The following HMGB1 variants were observed in gnomAD, a reference collection of about 807,000 sequenced individuals.
The protein encoded by HMGB1 is high mobility group box 1.
For missense variants in HMGB1, 79 were observed against 253.5 expected (o/e 0.31, Z 4.67); for synonymous variants, 81 against 84.0 (o/e 0.96, Z 0.19).
chr13:30,469,368 G>A (rs952422355), upstream of HMGB1, among the ~76,000 whole-genome samples: 1 of 152,112 alleles, frequency 6.6e-6, no homozygotes, highest in Non-Finnish European at 1.5e-5. Context: ...CTGTAATATT[G>A]TGTATATTAA....
In HMGB1 at chr13:30,577,799, C is replaced by T. The variant is rs936808382; in HGVS notation, c.-15+38872G>A. On this transcript the variant is annotated intron_variant, in intron 1 of 4. Coordinates refer to the HMGB1 transcript ENST00000405805. ...AGCTTGGCACATTATAAGCATTCAACGAAAAGTGAGCTACTATTATCTCAT... is the reference window on the plus strand; with the variant it reads ...AGCTTGGCACATTATAAGCATTCAATGAAAAGTGAGCTACTATTATCTCAT... 5.3e-5 allele frequency among the ~76,000 whole-genome samples: 8 copies of T among 152,324 alleles called. 1 individual carries two copies. The highest frequency in any genetic ancestry group is 6.8e-3 in the Middle Eastern group (2 of 294).
intron 1 of HMGB1, among the ~76,000 whole-genome samples, chr13:30,523,553 A>G (rs1413923210): frequency 6.6e-6 from 1 of 151,964 alleles, no homozygotes; most frequent in Non-Finnish European, 1.5e-5. Context: ...TGTCCAAAAG[A>G]TGTTACCACT....
chr13:30,487,029 T>C (rs552839790), intron 1 of HMGB1, among the ~76,000 whole-genome samples: 58 of 152,184 alleles, frequency 3.8e-4, no homozygotes, highest in African/African-American at 1.3e-3. Context: ...GAAAGAATTG[T>C]AACAGGAGAA....
chr13:30,519,654 C>T (rs372475220), intron 1 of HMGB1, among the ~76,000 whole-genome samples: 3 of 151,632 alleles, frequency 2.0e-5, no homozygotes, highest in Middle Eastern at 3.4e-3. Flanking sequence ...GAGCTGAGAT[C>T]GCACCACTGC....
chr13:30,523,549 A>G (rs1334933010), intron 1 of HMGB1, among the ~76,000 whole-genome samples: 1 of 152,172 alleles, frequency 6.6e-6, no homozygotes, highest in Non-Finnish European at 1.5e-5. Context: ...GATTTGTCCA[A>G]AAGATGTTAC....
intron 1 of HMGB1, among the ~76,000 whole-genome samples, chr13:30,586,581 G>C (rs1302103135): frequency 6.7e-6 from 1 of 149,088 alleles, no homozygotes; most frequent in Non-Finnish European, 1.5e-5. Context: ...TCCACCTCCT[G>C]GGCTCAAGCA....
chr13:30,556,328 C>T (rs961027294), intron 1 of HMGB1, among the ~76,000 whole-genome samples: 4 of 152,058 alleles, frequency 2.6e-5, no homozygotes, highest in Admixed American at 1.3e-4. Flanking sequence ...TGCTTGAGCC[C>T]GAGAGGTGGA....
intron 1 of HMGB1, among the ~76,000 whole-genome samples, chr13:30,475,240 T>TC (rs1476072127): frequency 6.8e-6 from 1 of 146,188 alleles, no homozygotes; most frequent in Non-Finnish European, 1.5e-5. Context: ...TTTTTTTTTT[T>TC]GAGATAGGGT....
intron 1 of HMGB1, among the ~76,000 whole-genome samples, chr13:30,588,942 A>G (rs1871265578): frequency 6.6e-6 from 1 of 151,528 alleles, no homozygotes; most frequent in Non-Finnish European, 1.5e-5. Context: ...AATAAATAAC[A>G]TTTACTATTG....
At chr13:30,518,325 C>T (rs1258566220) in intron 1 of HMGB1, among the ~76,000 whole-genome samples, 1 of 152,164 alleles carries the variant, frequency 6.6e-6, no homozygotes, top group East Asian at 1.9e-4. Flanking sequence ...CAACAGAGAC[C>T]TTGTCTGAAA....
intron 1 of HMGB1, among the ~76,000 whole-genome samples, chr13:30,581,586 C>T (rs556796583): frequency 6.6e-6 from 1 of 152,268 alleles, no homozygotes; most frequent in Admixed American, 6.5e-5. Context: ...TTGGAGTGTA[C>T]AAGTATTCTA....
Position 30,461,289 on chromosome 13 carries a change from G to C in HMGB1, c.*68C>G. ...ACATTTCAATTTTTTTCTTTAAAAG[G>C]AGTGAGTTGTGTACAGGGGGGTTAA... On this transcript the variant is annotated 3_prime_UTR_variant, in exon 5 of 5. Transcript: ENST00000341423. 3 of 1,503,074 alleles carry C rather than the reference G, an allele frequency of 2.0e-6. No individual in the cohort carries two copies. The highest frequency in any genetic ancestry group is 2.7e-6 in the Non-Finnish European group (3 of 1,129,804). 93.1% of individuals were successfully genotyped at this position (1,503,074 alleles called of 1,614,324 possible). A position where few individuals can be genotyped will look rare whatever the true frequency, so the allele number is the denominator to read the frequency against.
At chr13:30,494,135 TG>T (rs1434335679) in intron 1 of HMGB1, among the ~76,000 whole-genome samples, 2 of 152,204 alleles carry the variant, frequency 1.3e-5, no homozygotes, top group Non-Finnish European at 2.9e-5. Flanking sequence ...TTTCTCCAAC[TG>T]AGCTCCTAAT....
chr13:30,480,368 A>G (rs1421304083), intron 1 of HMGB1, among the ~76,000 whole-genome samples: 1 of 152,206 alleles, frequency 6.6e-6, no homozygotes, highest in East Asian at 1.9e-4. Flanking sequence ...TATTCACTAA[A>G]TTCAATGAAT....
At chr13:30,470,539 G>T (rs1165485423), upstream of HMGB1, among the ~76,000 whole-genome samples, 1 of 152,230 alleles carries the variant, frequency 6.6e-6, no homozygotes, top group African/African-American at 2.4e-5. Context: ...ATTAGGCCAA[G>T]ATTATTCCTT....
rs180799181 is a variant in HMGB1, at chr13:30,594,508, G to A, written c.-15+22163C>T. The stretch of plus-strand genomic sequence containing the variant: ...AGTTTTCTTGTTCTGCGTTAGTTCC[G>A]TTAGGATAATTGCCTCCAGTTACAT... On this transcript the variant is annotated intron_variant, in intron 1 of 4. Coordinates refer to the HMGB1 transcript ENST00000405805. Among the ~76,000 whole-genome samples the A allele has an allele frequency of 1.1e-4, 16 of 152,296 alleles. No homozygotes were observed. In the East Asian group the frequency reaches 1.9e-3, roughly 18 times the overall value.
At chr13:30,591,956 C>T (rs1871390075) in intron 1 of HMGB1, among the ~76,000 whole-genome samples, 2 of 152,106 alleles carry the variant, frequency 1.3e-5, no homozygotes, top group South Asian at 4.1e-4. Context: ...TCTGAAAGAC[C>T]AGTTATATTA....
intron 1 of HMGB1, among the ~76,000 whole-genome samples, chr13:30,487,346 T>A (rs1887387714): frequency 6.6e-6 from 1 of 152,226 alleles, no homozygotes; most frequent in South Asian, 2.1e-4. Context: ...ATGAAATACT[T>A]GGCAAAGAGC....
intron 1 of HMGB1, among the ~76,000 whole-genome samples, chr13:30,576,772 T>G (rs1040610404): frequency 6.6e-6 from 1 of 151,962 alleles, no homozygotes; most frequent in Non-Finnish European, 1.5e-5. Flanking sequence ...CCCACAGGCT[T>G]GCCCCTCCTC....
Sources: allele counts gnomAD v4.1 joint callset (sites outside exome capture counted in the v4.1 genomes callset), GRCh38; gene constraint gnomAD v4.1.1; transcripts MANE v1.5; gene names NCBI Gene and HGNC (gene_info 2026-07-23, HGNC 2026-07-21).